Variants in PRIM2 observed in about 807,000 individuals in gnomAD.
PRIM2 encodes DNA primase large subunit.
A neutral mutation model predicts 67.3 loss-of-function variants in PRIM2; 39 were observed. The observed-to-expected ratio is 0.58, with a 90% CI of 0.45 to 0.76. The LOEUF (loss-of-function observed/expected upper bound fraction) is 0.76. PRIM2 is among the 30% of genes least tolerant of loss of function. The pLI, the probability that PRIM2 is intolerant of heterozygous loss-of-function variation, is 0.00. For missense variants in PRIM2, 398 were observed against 598.7 expected (o/e 0.66, Z 3.50); for synonymous variants, 143 against 198.7 (o/e 0.72, Z 2.36).
At chr6:57,525,369 A>G (rs1324604899) in intron 8 of PRIM2, among the ~76,000 whole-genome samples, 1 of 152,234 alleles carries the variant, frequency 6.6e-6, no homozygotes, top group African/African-American at 2.4e-5. Context: ...AAAAATATTA[A>G]AACAACCAGG....
At position 57,317,642 on chromosome 6, in the gene PRIM2, C is replaced by T. The variant is rs1767520612; in HGVS notation, c.-69C>T. On this transcript the variant is annotated 5_prime_UTR_variant, in exon 1 of 14. Transcript: ENST00000615550. ...CTCTTCCGGTTTCATATGAACTCTCCCGCCACCCGGGAACAGTGGCTGCCA... is the reference window on the plus strand; with the variant it reads ...CTCTTCCGGTTTCATATGAACTCTCTCGCCACCCGGGAACAGTGGCTGCCA... 1.3e-5 allele frequency: 2 copies of T among 152,764 alleles called. No homozygotes were observed. The allele number at this position is 152,764 out of a possible 1,614,324, so 9.5% of individuals were successfully genotyped here.
chr6:57,308,415 G>T, the PRIM2 span, among the ~76,000 whole-genome samples: 1 of 152,164 alleles, frequency 6.6e-6, no homozygotes, highest in East Asian at 1.9e-4. Flanking sequence ...GAGCCACTGT[G>T]CCTGGCCCAG....
intron 13 of PRIM2, among the ~76,000 whole-genome samples, chr6:57,641,336 C>A (rs1216567750): frequency 6.6e-6 from 1 of 152,050 alleles, no homozygotes; most frequent in South Asian, 2.1e-4. Flanking sequence ...TGGGCAAAGA[C>A]TTCATGACTA....
At chr6:57,515,323 A>G (rs1420275386) in intron 8 of PRIM2, among the ~76,000 whole-genome samples, 1 of 152,238 alleles carries the variant, frequency 6.6e-6, no homozygotes, top group Non-Finnish European at 1.5e-5. Flanking sequence ...CAGGCAAAGT[A>G]ACTGAGAAGA....
At chr6:57,370,074 C>T (rs553721840) in intron 5 of PRIM2, among the ~76,000 whole-genome samples, 3 of 152,240 alleles carry the variant, frequency 2.0e-5, no homozygotes, top group South Asian at 4.2e-4. Context: ...GGTTAACTAA[C>T]CTGTTTAAGA....
upstream of PRIM2, among the ~76,000 whole-genome samples, chr6:57,313,283 A>G (rs1767421679): frequency 6.6e-6 from 1 of 152,132 alleles, no homozygotes; most frequent in South Asian, 2.1e-4. Flanking sequence ...CTTTCTGTTT[A>G]GTAGTTGTTA....
intron 7 of PRIM2, among the ~76,000 whole-genome samples, chr6:57,454,885 C>A (rs1430420594): frequency 9.9e-5 from 15 of 152,188 alleles, no homozygotes; most frequent in Non-Finnish European, 1.8e-4. Context: ...GTTAGGGTGT[C>A]AATTTTAGAT....
At chr6:57,264,557 G>A in the PRIM2 span, among the ~76,000 whole-genome samples, 1 of 148,408 alleles carries the variant, frequency 6.7e-6, no homozygotes, top group African/African-American at 2.5e-5. Flanking sequence ...TAATACCAAT[G>A]TGATGAGGGG....
intron 5 of PRIM2, among the ~76,000 whole-genome samples, chr6:57,327,478 A>G (rs1340200931): frequency 1.3e-5 from 2 of 152,192 alleles, no homozygotes; most frequent in African/African-American, 2.4e-5. Flanking sequence ...AAGTGAACAA[A>G]CATTTTGTAG....
At chr6:57,369,951 G>A (rs1437422460) in intron 5 of PRIM2, among the ~76,000 whole-genome samples, 6 of 152,196 alleles carry the variant, frequency 3.9e-5, no homozygotes, top group African/African-American at 1.2e-4. Context: ...AGGGTGTGCT[G>A]TATGTTAGGC....
intron 7 of PRIM2, among the ~76,000 whole-genome samples, chr6:57,416,146 C>G (rs1473753975): frequency 7.9e-5 from 12 of 152,106 alleles, no homozygotes; most frequent in African/African-American, 2.9e-4. Flanking sequence ...AAATGTATTT[C>G]TTAAATAATA....
intron 7 of PRIM2, among the ~76,000 whole-genome samples, chr6:57,463,931 T>A (rs1438670894): frequency 1.3e-5 from 2 of 152,188 alleles, no homozygotes; most frequent in African/African-American, 4.8e-5. Context: ...CTGGCCTTCT[T>A]TTAGTTGCTG....
the PRIM2 span, among the ~76,000 whole-genome samples, chr6:57,248,484 A>T: frequency 6.6e-6 from 1 of 152,206 alleles, no homozygotes; most frequent in Non-Finnish European, 1.5e-5. Flanking sequence ...GCAGAGATTC[A>T]TTTTAAACCA....
chr6:57,288,809 C>T, the PRIM2 span, among the ~76,000 whole-genome samples: 1 of 152,142 alleles, frequency 6.6e-6, no homozygotes, highest in Non-Finnish European at 1.5e-5. Context: ...TTACCAACGT[C>T]AAAGACCAAA....
At chr6:57,630,913 A>G (rs1354055895) in intron 12 of PRIM2, among the ~76,000 whole-genome samples, 5 of 152,254 alleles carry the variant, frequency 3.3e-5, no homozygotes, top group African/African-American at 1.2e-4. Flanking sequence ...TTCATATTTT[A>G]CTCTAATAAT....
chr6:57,496,886 C>T (rs1554346425), intron 7 of PRIM2, among the ~76,000 whole-genome samples: 5,780 of 149,596 alleles, frequency 0.039, 350 homozygotes, highest in African/African-American at 0.13. Context: ...CATGAAATGA[C>T]ACAGTGAAAA....
chr6:57,275,433 G>C, the PRIM2 span, among the ~76,000 whole-genome samples: 1 of 152,192 alleles, frequency 6.6e-6, no homozygotes, highest in Non-Finnish European at 1.5e-5. Context: ...AGGTTGCAGT[G>C]AGCCAAGATC....
At chr6:57,382,251 T>C (rs1326390402) in intron 7 of PRIM2, 83 bp downstream of exon 7, 4 of 1,428,054 alleles carry the variant, frequency 2.8e-6, no homozygotes, top group Non-Finnish European at 2.9e-6. Flanking sequence ...TGTGTTTCTC[T>C]AGGAAATAAG....
intron 10 of PRIM2, among the ~76,000 whole-genome samples, chr6:57,567,908 A>G (rs1365920813): frequency 6.6e-6 from 1 of 152,190 alleles, no homozygotes; most frequent in African/African-American, 2.4e-5. Flanking sequence ...ATTCTGCATT[A>G]TGTTTTCATA....
Sources: gnomAD v4.1 joint callset for allele counts (sites outside exome capture counted in the v4.1 genomes callset) on GRCh38, gnomAD v4.1.1 for gene constraint, MANE v1.5 for transcripts, NCBI Gene and HGNC (gene_info 2026-07-23, HGNC 2026-07-21) for gene names.